The following FHIP1A variants were observed in gnomAD, a reference collection of about 807,000 sequenced individuals.
The protein encoded by FHIP1A is FHF complex subunit HOOK-interacting protein 1A.
FHIP1A carries 61 observed loss-of-function variants against 88.6 expected under a neutral mutation model. That is an observed-to-expected ratio of 0.69 (90% confidence interval 0.56 to 0.85). The LOEUF is 0.85. Ranked by LOEUF, FHIP1A falls within the 40% of genes least tolerant of loss-of-function variation. The probability of loss-of-function intolerance (pLI) is 0.00; values close to 1 mark genes in which losing one functional copy is unlikely to be tolerated. For missense variants in FHIP1A, 1,154 were observed against 1,273.5 expected, an observed-to-expected ratio of 0.91 and a Z score of 1.43; for synonymous variants, 478 against 496.0, an observed-to-expected ratio of 0.96 and a Z score of 0.48.
chr4:151,649,703 C>T lies in FHIP1A; in HGVS notation c.1662C>T (p.Leu554=), dbSNP rs1331694552. The change falls in exon 11 of 14, where the codon CTC becomes CTT. Residue 554 remains leucine (L), a synonymous_variant. Transcript: ENST00000435205. The part of the protein sequence containing the change: ...SVSSACPVFG[L]PQQLPRKTGP... ...GCTCGGCCTGCCCTGTGTTCGGGCTCCCGCAACAACTCCCCAGGAAGACAG... is the reference window on the plus strand; with the variant it reads ...GCTCGGCCTGCCCTGTGTTCGGGCTTCCGCAACAACTCCCCAGGAAGACAG... 5.2e-6 allele frequency: 8 copies of T among 1,551,374 alleles called. No homozygotes were observed. The Admixed American group carries it at 1.2e-4, about 23-fold the overall frequency.
intron 7 of FHIP1A, among the ~76,000 whole-genome samples, chr4:151,606,097 G>T (rs1475041844): frequency 6.6e-6 from 1 of 152,174 alleles, no homozygotes; most frequent in Non-Finnish European, 1.5e-5. Flanking sequence ...GTGAGGAGTG[G>T]GCAGGACAGC....
intron 5 of FHIP1A, among the ~76,000 whole-genome samples, chr4:151,586,218 T>C (rs1208855288): frequency 6.6e-6 from 1 of 152,184 alleles, no homozygotes; most frequent in Non-Finnish European, 1.5e-5. Context: ...TCCTCTAGAC[T>C]GGGGTATGTG....
At chr4:151,512,481 G>C (rs2126679621) in intron 3 of FHIP1A, among the ~76,000 whole-genome samples, 1 of 152,312 alleles carries the variant, frequency 6.6e-6, no homozygotes, top group Middle Eastern at 3.4e-3. Flanking sequence ...AGAGAAGAAG[G>C]CTTCAGATGA....
At position 151,667,956 on chromosome 4, in the gene FHIP1A, A is replaced by C. The variant is rs1320002128; in HGVS notation, c.*5202A>C. 6.6e-6 allele frequency among the ~76,000 whole-genome samples: 1 copy of C among 152,128 alleles called. No homozygotes were observed. Among genetic ancestry groups the C allele is most frequent in the Admixed American group, 6.5e-5 (1 of 15,276 alleles). ...GAGGCTGCAGAAGTCTGTGCTGCTTAGTGTGTCAGCTGACTTTTTACTGGG... is the reference window on the plus strand; with the variant it reads ...GAGGCTGCAGAAGTCTGTGCTGCTTCGTGTGTCAGCTGACTTTTTACTGGG... On this transcript the variant is annotated 3_prime_UTR_variant, in exon 14 of 14. Transcript: ENST00000435205.
chr4:151,629,382 A>G (rs1413636874), intron 7 of FHIP1A, among the ~76,000 whole-genome samples: 1 of 152,208 alleles, frequency 6.6e-6, no homozygotes, highest in African/African-American at 2.4e-5. Context: ...ACTTTCCATT[A>G]TCTTTTTTCT....
In FHIP1A at chr4:151,649,478, C is replaced by T. The variant is rs1218016233; in HGVS notation, c.1437C>T (p.Phe479=). ...GTGCAGGGCCTGTGGAGCGGCCATTCCCCGAAGCGTTCTCCGAGTCAGCCT... is the reference window on the plus strand; with the variant it reads ...GTGCAGGGCCTGTGGAGCGGCCATTTCCCGAAGCGTTCTCCGAGTCAGCCT... ...HDTSGPVERP[F]PEAFSESACI... Residue 479 remains phenylalanine (F), a synonymous_variant, in exon 11 of 14, where the codon TTC becomes TTT. Transcript: ENST00000435205. 1 of 1,549,830 alleles carries T rather than the reference C, an allele frequency of 6.5e-7. No homozygotes were observed. Among genetic ancestry groups the T allele is most frequent in the South Asian group, 1.2e-5 (1 of 83,582 alleles).
At chr4:151,606,762 G>A (rs920455631) in intron 7 of FHIP1A, among the ~76,000 whole-genome samples, 1 of 152,090 alleles carries the variant, frequency 6.6e-6, no homozygotes, top group Non-Finnish European at 1.5e-5. Context: ...AGCTGTATTT[G>A]TTCATGTGGA....
At chr4:151,476,103 G>T (rs28549769) in intron 2 of FHIP1A, among the ~76,000 whole-genome samples, 75,801 of 150,040 alleles carry the variant, frequency 0.51, 19,370 homozygotes, top group Non-Finnish European at 0.55. Context: ...CTTGTGATTC[G>T]CCTGCCTTGG....
intron 3 of FHIP1A, among the ~76,000 whole-genome samples, chr4:151,558,531 T>TGAAA (rs1324780480): frequency 5.4e-5 from 7 of 128,472 alleles, no homozygotes; most frequent in South Asian, 2.4e-4. Context: ...ACATCCTGTC[T>TGAAA]CAAACAAAAC....
chr4:151,573,199 GTTTC>G (rs941250395), intron 4 of FHIP1A, among the ~76,000 whole-genome samples: 12 of 152,086 alleles, frequency 7.9e-5, no homozygotes, highest in East Asian at 1.9e-4. Flanking sequence ...ATTTTTATGT[GTTTC>G]TTTCTTTTTG....
intron 5 of FHIP1A, among the ~76,000 whole-genome samples, chr4:151,583,691 T>C (rs1394465604): frequency 6.6e-6 from 1 of 152,204 alleles, no homozygotes; most frequent in Non-Finnish European, 1.5e-5. Context: ...TTAAAGCCTT[T>C]GTTCTGTGGT....
intron 1 of FHIP1A, among the ~76,000 whole-genome samples, chr4:151,423,641 A>G (rs1733258267): frequency 6.6e-6 from 1 of 152,242 alleles, no homozygotes; most frequent in Non-Finnish European, 1.5e-5. Flanking sequence ...TAACACATGC[A>G]AGGTACTTAA....
At chr4:151,557,226 C>G (rs1195278817) in intron 3 of FHIP1A, among the ~76,000 whole-genome samples, 1 of 152,144 alleles carries the variant, frequency 6.6e-6, no homozygotes, top group Admixed American at 6.5e-5. Flanking sequence ...CTCTTCACAA[C>G]TCCTTTGATT....
At chr4:151,548,523 CA>C (rs1355256597) in intron 3 of FHIP1A, among the ~76,000 whole-genome samples, 1 of 152,180 alleles carries the variant, frequency 6.6e-6, no homozygotes, top group Non-Finnish European at 1.5e-5. Context: ...CCACCAAAAC[CA>C]AGACCAAAAC....
In FHIP1A at chr4:151,485,282, G is replaced by GTTTTTTTTTTTTT. The variant is rs74327398; in HGVS notation, c.-123+2642_-123+2654dup. Among the ~76,000 whole-genome samples, 37 of 118,718 alleles carry GTTTTTTTTTTTTT rather than the reference G, an allele frequency of 3.1e-4. 1 individual carries two copies. The highest frequency in any genetic ancestry group is 7.2e-4 in the African/African-American group (21 of 29,032). 77.9% of individuals were successfully genotyped at this position (118,718 alleles called of 152,430 possible). The stretch of plus-strand genomic sequence containing the variant: ...TCGAGCATAGTTTGGATCTTTTCCA[G>GTTTTTTTTTTTTT]TTTTTTTTTTTTTTTTTTTTGTCTG... On this transcript the variant is annotated intron_variant, in intron 3 of 13. Coordinates refer to ENST00000435205, the MANE Select transcript of FHIP1A (RefSeq NM_001109977.3).
intron 3 of FHIP1A, among the ~76,000 whole-genome samples, 197 bp downstream of exon 3, chr4:151,482,845 A>G (rs551333174): frequency 1.5e-4 from 23 of 152,184 alleles, no homozygotes; most frequent in Admixed American, 1.2e-3. Flanking sequence ...TAAGAACTGC[A>G]TCTTGACCCT....
intron 9 of FHIP1A, among the ~76,000 whole-genome samples, chr4:151,645,820 TG>T: frequency 6.6e-6 from 1 of 152,168 alleles, no homozygotes; most frequent in African/African-American, 2.4e-5. Flanking sequence ...GTGTCAGAAA[TG>T]GTTGCTCAGG....
chr4:151,462,103 G>A (rs1008526167), intron 2 of FHIP1A, among the ~76,000 whole-genome samples: 11 of 152,170 alleles, frequency 7.2e-5, no homozygotes, highest in African/African-American at 1.7e-4. Context: ...TGAGGTTGCC[G>A]TGAGCTGTGA....
At chr4:151,558,658 G>A (rs770124305) in intron 3 of FHIP1A, among the ~76,000 whole-genome samples, 3 of 152,302 alleles carry the variant, frequency 2.0e-5, no homozygotes, top group African/African-American at 4.8e-5. Flanking sequence ...AGAAATCTTC[G>A]TAGTGAGCTA....
Sources: allele counts gnomAD v4.1 joint callset (sites outside exome capture counted in the v4.1 genomes callset), GRCh38; gene constraint gnomAD v4.1.1; transcripts MANE v1.5; gene names NCBI Gene and HGNC (gene_info 2026-07-23, HGNC 2026-07-21).